Variants in FARSB observed in about 807,000 individuals in gnomAD.
The protein encoded by FARSB is phenylalanine--tRNA ligase beta subunit.
A neutral mutation model predicts 69.6 loss-of-function variants in FARSB; 40 were observed. The observed-to-expected ratio is 0.57, with a 90% CI of 0.45 to 0.75. FARSB has a LOEUF of 0.75. Among genes scored for constraint, FARSB ranks in the 30% least tolerant of loss-of-function variants. FARSB has a pLI of 0.00. For synonymous variants in FARSB, 235 were observed against 247.2 expected, an observed-to-expected ratio of 0.95 and a Z score of 0.46; for missense variants, 632 against 722.9, an observed-to-expected ratio of 0.87 and a Z score of 1.44.
At chr2:222,576,855 A>G (rs1017603115) in intron 16 of FARSB, among the ~76,000 whole-genome samples, 2 of 152,200 alleles carry the variant, frequency 1.3e-5, no homozygotes, top group African/African-American at 4.8e-5. Flanking sequence ...GCTCATCAAC[A>G]TCACCTTCCT....
chr2:222,616,376 G>GT (rs937871078), intron 14 of FARSB, among the ~76,000 whole-genome samples: 1 of 151,942 alleles, frequency 6.6e-6, no homozygotes. Context: ...GTGAAACCCC[G>GT]TCTCTACTAA....
In FARSB at chr2:222,630,066, C is replaced by T. The variant is rs182982049; in HGVS notation, c.848+47G>A. On this transcript the variant is annotated intron_variant, in intron 9 of 16. Coordinates refer to ENST00000281828, the MANE Select transcript of FARSB (RefSeq NM_005687.5). Reference sequence around the variant, plus strand: ...TATCTTTACATTTAGCACAAAGCCTCGCCTTCAGAACAATGGGCCATCAAT... The same window carrying T: ...TATCTTTACATTTAGCACAAAGCCTTGCCTTCAGAACAATGGGCCATCAAT... 983 of 1,151,756 alleles carry T rather than the reference C, an allele frequency of 8.5e-4. 10 individuals are homozygous for T. In the Admixed American group the frequency reaches 0.017, roughly 20 times the overall value. The allele number at this position is 1,151,756 out of a possible 1,614,324, so 71.3% of individuals were successfully genotyped here.
In FARSB at chr2:222,602,542, C is replaced by T. The variant is rs527929876; in HGVS notation, c.1463-2459G>A. On this transcript the variant is annotated intron_variant, in intron 15 of 16. Coordinates refer to ENST00000281828, the MANE Select transcript of FARSB (RefSeq NM_005687.5). ...GTTCAGAAACAGATCTAAATACTTA[C>T]AAGAATTGAGAATATGATAAAGGTG... Among the ~76,000 whole-genome samples, 98 of 149,528 alleles carry T rather than the reference C, an allele frequency of 6.6e-4. 1 individual carries two copies. The highest frequency in any genetic ancestry group is 1.6e-3 in the African/African-American group (64 of 40,942).
At chr2:222,633,671 A>G (rs1216895824) in intron 6 of FARSB, among the ~76,000 whole-genome samples, 1 of 125,132 alleles carries the variant, frequency 8.0e-6, no homozygotes, top group African/African-American at 3.2e-5. Flanking sequence ...AACAAGAGCG[A>G]AACTCCGTCT....
At chr2:222,579,426 A>T (rs145643961) in intron 16 of FARSB, among the ~76,000 whole-genome samples, 225 of 152,298 alleles carry the variant, frequency 1.5e-3, no homozygotes, top group African/African-American at 5.2e-3. Flanking sequence ...TACTGACAAA[A>T]CCTAGAGCCT....
Position 222,568,279 on chromosome 2 carries a change from C to A in FARSB, c.*3592G>T, listed in dbSNP as rs1433572125. The A allele has an allele frequency of 3.3e-5, 5 of 152,044 alleles. No homozygotes were observed. The highest frequency in any genetic ancestry group is 7.4e-5 in the Non-Finnish European group (5 of 68,018). 9.4% of individuals were successfully genotyped at this position (152,044 alleles called of 1,614,324 possible). On this transcript the variant is annotated 3_prime_UTR_variant, in exon 17 of 17. Transcript: ENST00000281828. This position sits in a 1 kb window ranked among gnomAD's most constrained non-coding sequence, Gnocchi z 4.3. ...TAACAATTTTTAACTTTTTGTCTCC[C>A]ATTATTTTTATATTTTTAAAAAGTG...
chr2:222,612,129 T>C (rs1690871942), intron 15 of FARSB, among the ~76,000 whole-genome samples: 1 of 152,216 alleles, frequency 6.6e-6, no homozygotes, highest in Non-Finnish European at 1.5e-5. Flanking sequence ...TATCAAATTC[T>C]CAGTTATCTC....
chr2:222,649,011 G>C (rs752242869), intron 1 of FARSB, among the ~76,000 whole-genome samples: 1 of 152,160 alleles, frequency 6.6e-6, no homozygotes, highest in South Asian at 2.1e-4. Context: ...TGGATCATCT[G>C]AGGTCAGGAG....
At chr2:222,647,813 G>A (rs1461796157) in intron 2 of FARSB, among the ~76,000 whole-genome samples, 1 of 152,212 alleles carries the variant, frequency 6.6e-6, no homozygotes, top group East Asian at 1.9e-4. Flanking sequence ...TCAGCACTTT[G>A]GGAGGCCAAA....
chr2:222,567,189 T>A lies in FARSB; in HGVS notation c.*4682A>T, dbSNP rs900236743. Reference sequence around the variant, plus strand: ...CCAAAGGCCTCATCTCCAAAGACCATCACACTGGAGGTCAGAGGGTCAACA... The same window carrying A: ...CCAAAGGCCTCATCTCCAAAGACCAACACACTGGAGGTCAGAGGGTCAACA... On this transcript the variant is annotated 3_prime_UTR_variant, in exon 17 of 17. Transcript: ENST00000281828. The A allele has an allele frequency of 3.3e-5, 5 of 152,192 alleles. No individual in the cohort carries two copies. Among genetic ancestry groups the A allele is most frequent in the African/African-American group, 1.2e-4 (5 of 41,438 alleles). The allele number at this position is 152,192 out of a possible 1,614,324, so 9.4% of individuals were successfully genotyped here. A position where few individuals can be genotyped will look rare whatever the true frequency, so the allele number is the denominator to read the frequency against.
chr2:222,570,671 C>A lies in FARSB; in HGVS notation c.*1200G>T, dbSNP rs1034404295. The A allele has an allele frequency of 6.6e-6, 1 of 151,990 alleles. No individual in the cohort carries two copies. Among genetic ancestry groups the A allele is most frequent in the Non-Finnish European group, 1.5e-5 (1 of 68,002 alleles). The allele number at this position is 151,990 out of a possible 1,614,324, so 9.4% of individuals were successfully genotyped here. ...CCAGGTAGCTGGGACTGCAGGCCCA[C>A]ACCACCATGCCTGGCTAATTTTTAT... On this transcript the variant is annotated 3_prime_UTR_variant, in exon 17 of 17. Coordinates refer to ENST00000281828, the MANE Select transcript of FARSB (RefSeq NM_005687.5).
At position 222,623,652 on chromosome 2, in the gene FARSB, G is replaced by A. The variant is rs1387351471; in HGVS notation, c.1249C>T (p.Leu417=). Residue 417 remains leucine (L), a splice_region_variant and synonymous_variant, in exon 13 of 17, where the codon CTG becomes TTG. Transcript: ENST00000281828. Reference sequence around the variant, plus strand: ...CAGAAAAAGCATGTAAGACATACCAGGGCAAAGGTAAGTGCTTCAGTGAAG... The same window carrying A: ...CAGAAAAAGCATGTAAGACATACCAAGGCAAAGGTAAGTGCTTCAGTGAAG... ...AGFTEALTFA[L]CSQEDIADKL... The A allele has an allele frequency of 6.3e-7, 1 of 1,580,974 alleles. No homozygotes were observed. The highest frequency in any genetic ancestry group is 1.1e-5 in the South Asian group (1 of 90,440).
At chr2:222,614,006 C>G in intron 14 of FARSB, 78 bp from the exon 15 acceptor site, 1 of 795,926 alleles carries the variant, frequency 1.3e-6, no homozygotes, top group Non-Finnish European at 2.1e-6. Flanking sequence ...AAGACCATGG[C>G]AGAAAGACTA....
chr2:222,610,934 G>A (rs1286271607), intron 15 of FARSB, among the ~76,000 whole-genome samples: 2 of 152,138 alleles, frequency 1.3e-5, no homozygotes, highest in Non-Finnish European at 2.9e-5. Flanking sequence ...GTCTCTCTAT[G>A]GAACTGTGGT....
At position 222,595,820 on chromosome 2, in the gene FARSB, G is replaced by A. The variant is rs116135468; in HGVS notation, c.1618+4108C>T. On this transcript the variant is annotated intron_variant, in intron 16 of 16. Transcript: ENST00000281828. ...AAATGTGGAGAATTTTCCTTGCCCA[G>A]AAGTGGTTTTTGAAAAGGATAGATG... Among the ~76,000 whole-genome samples the A allele has an allele frequency of 7.9e-3, 1,203 of 152,034 alleles. 15 individuals carry two copies. The highest frequency in any genetic ancestry group is 0.028 in the African/African-American group (1,157 of 41,490).
At chr2:222,624,053 C>A (rs1338511675) in intron 12 of FARSB, among the ~76,000 whole-genome samples, 1 of 152,144 alleles carries the variant, frequency 6.6e-6, no homozygotes, top group Non-Finnish European at 1.5e-5. Context: ...GCTCCAAACT[C>A]AAAACTTGTC....
chr2:222,601,413 C>CAATAATAAT (rs1020800566), intron 15 of FARSB, among the ~76,000 whole-genome samples: 16 of 150,848 alleles, frequency 1.1e-4, no homozygotes, highest in African/African-American at 3.7e-4. Flanking sequence ...CCCATCTCTA[C>CAATAATAAT]AATAATAATA....
chr2:222,627,555 A>G (rs1162515467), intron 10 of FARSB, among the ~76,000 whole-genome samples: 1 of 152,226 alleles, frequency 6.6e-6, no homozygotes. Context: ...GAATCATGAG[A>G]TAAATAAATG....
intron 1 of FARSB, among the ~76,000 whole-genome samples, chr2:222,649,494 C>T (rs1458810511): frequency 6.6e-6 from 1 of 152,180 alleles, no homozygotes; most frequent in Non-Finnish European, 1.5e-5. Flanking sequence ...TCTGAGGTGG[C>T]CTGACACTTT....
Sources: gnomAD v4.1 joint callset for allele counts (sites outside exome capture counted in the v4.1 genomes callset) on GRCh38, gnomAD v4.1.1 for gene constraint, Gnocchi (gnomAD v3.1) non-coding constraint, MANE v1.5 for transcripts, NCBI Gene and HGNC (gene_info 2026-07-23, HGNC 2026-07-21) for gene names.